Variants in LRRC38 observed in about 807,000 individuals in gnomAD.
LRRC38 encodes the protein leucine-rich repeat-containing protein 38.
A neutral mutation model predicts 16.4 loss-of-function variants in LRRC38; 5 were observed. The ratio of observed to expected loss-of-function variants is 0.31; its 90% CI spans 0.16 to 0.64. The LOEUF (loss-of-function observed/expected upper bound fraction) is 0.64. Among genes scored for constraint, LRRC38 ranks in the 30% least tolerant of loss-of-function variants. The probability of loss-of-function intolerance (pLI) is 0.80; values close to 1 mark genes in which losing one functional copy is unlikely to be tolerated. For synonymous variants in LRRC38, 191 were observed against 190.2 expected (o/e 1.00, Z -0.04); for missense variants, 341 against 401.8 (o/e 0.85, Z 1.29).
chr1:13,496,344 TA>T (rs1459888447), intron 1 of LRRC38, among the ~76,000 whole-genome samples: 3 of 151,690 alleles, frequency 2.0e-5, no homozygotes, highest in African/African-American at 7.3e-5. Flanking sequence ...ATTTATTTTT[TA>T]TTTTTTTTGT....
intron 1 of LRRC38, among the ~76,000 whole-genome samples, chr1:13,490,656 A>G (rs1455340445): frequency 3.3e-5 from 5 of 152,096 alleles, no homozygotes; most frequent in African/African-American, 1.2e-4. Context: ...TACTAGGGAT[A>G]CTAACCTGTG....
At chr1:13,512,921 G>GCCCCCCCAC in intron 1 of LRRC38, 42 bp downstream of exon 1, 12 of 1,246,164 alleles carry the variant, frequency 9.6e-6, no homozygotes, top group South Asian at 1.4e-5. Context: ...GCCTCTCCCT[G>GCCCCCCCAC]CCCCCCTCCC....
intron 1 of LRRC38, among the ~76,000 whole-genome samples, chr1:13,488,516 C>T (rs1376309197): frequency 1.3e-5 from 2 of 152,086 alleles, no homozygotes; most frequent in African/African-American, 2.4e-5. Flanking sequence ...ATGATCCACC[C>T]ACCTCGGCCT....
In LRRC38 at chr1:13,513,378, G is replaced by A. The variant is rs1183147077; in HGVS notation, c.216C>T (p.Pro72=). ...LVAGNRIQRI[P]EDFFIFYGDL... Reference sequence around the variant, plus strand: ...CGCCGTAGAAGATGAAGAAGTCCTCGGGGATCCGCTGGATGCGGTTGCCGG... The same window carrying A: ...CGCCGTAGAAGATGAAGAAGTCCTCAGGGATCCGCTGGATGCGGTTGCCGG... The change falls in exon 1 of 2, where the codon CCC becomes CCT. Residue 72 remains proline, a synonymous_variant. Coordinates refer to ENST00000376085, the MANE Select transcript of LRRC38 (RefSeq NM_001010847.2). 1.9e-6 allele frequency: 3 copies of A among 1,550,740 alleles called. No homozygotes were observed. The highest frequency in any genetic ancestry group is 1.2e-5 in the South Asian group (1 of 84,064).
At chr1:13,481,759 TTCC>T (rs1638867781) in intron 1 of LRRC38, among the ~76,000 whole-genome samples, 1 of 57,722 alleles carries the variant, frequency 1.7e-5, no homozygotes, top group African/African-American at 6.3e-5. Context: ...CTCACTTTCT[TTCC>T]CTCTCTCTCC....
At position 13,503,570 on chromosome 1, in the gene LRRC38, A is replaced by T. The variant is rs549420362; in HGVS notation, c.631+9393T>A. Among the ~76,000 whole-genome samples the T allele has an allele frequency of 3.9e-5, 6 of 152,112 alleles. No individual in the cohort carries two copies. In the South Asian group the frequency reaches 1.2e-3, roughly 32 times the overall value. Reference sequence around the variant, plus strand: ...AGGCGTGAGCCACCACGCCCAGCCCATTCTAAATTGTTTATATACCTATAT... The same window carrying T: ...AGGCGTGAGCCACCACGCCCAGCCCTTTCTAAATTGTTTATATACCTATAT... On this transcript the variant is annotated intron_variant, in intron 1 of 1. Coordinates refer to ENST00000376085, the MANE Select transcript of LRRC38 (RefSeq NM_001010847.2).
intron 1 of LRRC38, among the ~76,000 whole-genome samples, chr1:13,510,544 A>G (rs1055077134): frequency 6.6e-6 from 1 of 152,116 alleles, no homozygotes. Context: ...ACGGGTACAA[A>G]AAGATCACAC....
chr1:13,478,484 CT>C (rs1423031002), intron 1 of LRRC38, among the ~76,000 whole-genome samples: 1 of 152,182 alleles, frequency 6.6e-6, no homozygotes, highest in African/African-American at 2.4e-5. Flanking sequence ...ACAAGGTGCC[CT>C]TTTCCCAGTG....
At chr1:13,507,071 A>G (rs1437483351) in intron 1 of LRRC38, among the ~76,000 whole-genome samples, 1 of 152,204 alleles carries the variant, frequency 6.6e-6, no homozygotes, top group Non-Finnish European at 1.5e-5. Context: ...TGAGTTGAAC[A>G]TTTTTAGAAA....
chr1:13,490,944 C>T (rs1398261968), intron 1 of LRRC38, among the ~76,000 whole-genome samples: 1 of 152,066 alleles, frequency 6.6e-6, no homozygotes, highest in Non-Finnish European at 1.5e-5. Flanking sequence ...TGTGTGTGTC[C>T]CCTCCCATGA....
intron 1 of LRRC38, among the ~76,000 whole-genome samples, chr1:13,485,221 G>A (rs1345522509): frequency 6.8e-6 from 1 of 147,302 alleles, no homozygotes; most frequent in African/African-American, 2.5e-5. Context: ...AGGTTGTGAT[G>A]AGCCAAGATC....
intron 1 of LRRC38, among the ~76,000 whole-genome samples, chr1:13,493,185 A>AAG (rs1639037817): frequency 6.6e-6 from 1 of 152,114 alleles, no homozygotes; most frequent in Non-Finnish European, 1.5e-5. Context: ...TTGTATTTAT[A>AAG]ATTTTTCCAG....
At chr1:13,483,394 C>G (rs1468640406) in intron 1 of LRRC38, among the ~76,000 whole-genome samples, 1 of 152,178 alleles carries the variant, frequency 6.6e-6, no homozygotes, top group African/African-American at 2.4e-5. Flanking sequence ...GGTGATCCAC[C>G]TGCCTCGGCC....
At chr1:13,500,616 T>A (rs1639136565) in intron 1 of LRRC38, among the ~76,000 whole-genome samples, 1 of 152,220 alleles carries the variant, frequency 6.6e-6, no homozygotes, top group Admixed American at 6.5e-5. Flanking sequence ...TTGACTGATG[T>A]CTCATGTCTT....
chr1:13,496,036 T>C (rs546179086), intron 1 of LRRC38, among the ~76,000 whole-genome samples: 1 of 152,200 alleles, frequency 6.6e-6, no homozygotes, highest in African/African-American at 2.4e-5. Flanking sequence ...GGCTTACAAA[T>C]TGTGATTAGA....
intron 1 of LRRC38, among the ~76,000 whole-genome samples, chr1:13,499,836 T>C (rs1639125136): frequency 6.6e-6 from 1 of 152,196 alleles, no homozygotes; most frequent in African/African-American, 2.4e-5. Flanking sequence ...GTATGCACGC[T>C]TTCCGTATGT....
chr1:13,493,311 G>A (rs1219353458), intron 1 of LRRC38, among the ~76,000 whole-genome samples: 2 of 152,060 alleles, frequency 1.3e-5, no homozygotes, highest in African/African-American at 4.8e-5. Context: ...TGTGGTACGG[G>A]GAAGTGACCT....
Position 13,492,191 on chromosome 1 carries a change from C to T in LRRC38, c.632-16092G>A, listed in dbSNP as rs148005390. Among the ~76,000 whole-genome samples, 36 of 152,284 alleles carry T rather than the reference C, an allele frequency of 2.4e-4. No homozygotes were observed. In the East Asian group the frequency reaches 3.5e-3, roughly 15 times the overall value. ...GTGAGTTTGACTACTCTACGTACTGCGTACAAGTGAAATCATACAATATTT... is the reference window on the plus strand; with the variant it reads ...GTGAGTTTGACTACTCTACGTACTGTGTACAAGTGAAATCATACAATATTT... On this transcript the variant is annotated intron_variant, in intron 1 of 1. Transcript: ENST00000376085.
chr1:13,503,749 C>T (rs1212574269), intron 1 of LRRC38, among the ~76,000 whole-genome samples: 17 of 152,180 alleles, frequency 1.1e-4, no homozygotes, highest in Admixed American at 1.0e-3. Context: ...TCGGAGGACC[C>T]ACTGGGAGCT....
Sources: gnomAD v4.1 joint callset for allele counts (sites outside exome capture counted in the v4.1 genomes callset) on GRCh38, gnomAD v4.1.1 for gene constraint, MANE v1.5 for transcripts, NCBI Gene and HGNC (gene_info 2026-07-23, HGNC 2026-07-21) for gene names.